Variants in TESK2 observed in about 807,000 individuals in gnomAD.
The protein encoded by TESK2 is testis associated actin remodelling kinase 2, also known as dual specificity testis-specific protein kinase 2.
TESK2 carries 39 observed loss-of-function variants against 57.1 expected under a neutral mutation model. The observed-to-expected ratio is 0.68, with a 90% CI of 0.53 to 0.89. TESK2 has a LOEUF of 0.89. Among genes scored for constraint, TESK2 ranks in the 40% least tolerant of loss-of-function variants. TESK2 has a pLI of 0.00. For missense variants in TESK2, 646 were observed against 732.1 expected (o/e 0.88, Z 1.36); for synonymous variants, 249 against 267.9 (o/e 0.93, Z 0.69).
Position 45,347,908 on chromosome 1 carries a change from G to A in TESK2, c.623+10C>T, listed in dbSNP as rs750826512. 6.2e-7 allele frequency: 1 copy of A among 1,607,554 alleles called. No homozygotes were observed. The highest frequency in any genetic ancestry group is 1.1e-5 in the South Asian group (1 of 90,938). Reference sequence around the variant, plus strand: ...TCCCTTGGACCCCAGCATCCAGTAGGGCTACACACCTGACATCGGGGATCT... The same window carrying A: ...TCCCTTGGACCCCAGCATCCAGTAGAGCTACACACCTGACATCGGGGATCT... On this transcript the variant is annotated intron_variant, in intron 6 of 10. Coordinates refer to ENST00000372086, the MANE Select transcript of TESK2 (RefSeq NM_007170.3).
rs536461392 is a variant in TESK2 at position 45,451,506 on chromosome 1, G to T, written c.222+6058C>A. ...AGGGAGGCAGCATTCCTAGCCACAT[G>T]CTGCCTGCCCAGCACAAGGTAGGGT... On this transcript the variant is annotated intron_variant, in intron 2 of 10. Transcript: ENST00000372086. 2.6e-5 allele frequency among the ~76,000 whole-genome samples: 4 copies of T among 152,282 alleles called. No homozygotes were observed. In the East Asian group the frequency reaches 7.7e-4, roughly 29 times the overall value.
In TESK2 at chr1:45,399,525, G is replaced by A. The variant is rs145611251; in HGVS notation, c.345-13565C>T. On this transcript the variant is annotated intron_variant, in intron 3 of 10. Transcript: ENST00000372086. ...AGATGGGGTTTCTCCATGTTGGTCA[G>A]GGTGGTCTCAAACTCCCGACCTCAG... Among the ~76,000 whole-genome samples, 361 of 152,278 alleles carry A rather than the reference G, an allele frequency of 2.4e-3. 5 individuals are homozygous for A. Among genetic ancestry groups the A allele is most frequent in the African/African-American group, 8.4e-3 (349 of 41,566 alleles).
intron 4 of TESK2, among the ~76,000 whole-genome samples, chr1:45,380,345 A>G (rs1335428506): frequency 1.3e-5 from 2 of 152,142 alleles, no homozygotes; most frequent in Admixed American, 6.5e-5. Flanking sequence ...CAGTTCCCCA[A>G]TCTTCTAGCC....
At chr1:45,484,409 A>G (rs1653370020) in intron 1 of TESK2, among the ~76,000 whole-genome samples, 1 of 150,822 alleles carries the variant, frequency 6.6e-6, no homozygotes, top group Non-Finnish European at 1.5e-5. Flanking sequence ...ACGCCCAGCC[A>G]TATATTCTTA....
At chr1:45,445,012 A>G (rs959657652) in intron 2 of TESK2, among the ~76,000 whole-genome samples, 2 of 152,164 alleles carry the variant, frequency 1.3e-5, no homozygotes, top group Non-Finnish European at 2.9e-5. Flanking sequence ...TACAGATAAC[A>G]TCACTATTGC....
intron 3 of TESK2, chr1:45,398,998 A>C (rs941877663): frequency 1.4e-5 from 6 of 434,216 alleles, no homozygotes; most frequent in East Asian, 1.4e-4. Context: ...AAAAAAAAAA[A>C]AAAAAAAAAC....
At chr1:45,394,602 C>A (rs1245189235) in intron 3 of TESK2, among the ~76,000 whole-genome samples, 1 of 145,922 alleles carries the variant, frequency 6.9e-6, no homozygotes, top group South Asian at 2.2e-4. Context: ...CTACAGACTA[C>A]ATGCAGTGAG....
intron 5 of TESK2, among the ~76,000 whole-genome samples, chr1:45,350,540 G>C (rs752858844): frequency 5.3e-5 from 8 of 152,216 alleles, no homozygotes; most frequent in Non-Finnish European, 1.0e-4. Flanking sequence ...CTGAAAGACT[G>C]AACAGTTAAG....
chr1:45,417,348 C>G (rs1031966888), intron 3 of TESK2, among the ~76,000 whole-genome samples: 1 of 152,282 alleles, frequency 6.6e-6, no homozygotes, highest in African/African-American at 2.4e-5. Context: ...TCTCCTGCCT[C>G]AGCCCCCTGA....
intron 3 of TESK2, among the ~76,000 whole-genome samples, chr1:45,403,618 C>A (rs778317280): frequency 9.1e-4 from 138 of 152,262 alleles, no homozygotes; most frequent in Non-Finnish European, 1.5e-3. Flanking sequence ...AATAGCACTA[C>A]ACATAATAAC....
chr1:45,442,097 T>C (rs1651470068), intron 2 of TESK2, among the ~76,000 whole-genome samples: 1 of 152,040 alleles, frequency 6.6e-6, no homozygotes, highest in Non-Finnish European at 1.5e-5. Flanking sequence ...CCACCATGCC[T>C]GGCTAATTCT....
intron 1 of TESK2, among the ~76,000 whole-genome samples, chr1:45,470,435 A>C (rs1157894339): frequency 6.6e-6 from 1 of 152,240 alleles, no homozygotes; most frequent in Non-Finnish European, 1.5e-5. Context: ...CTGTGAAATA[A>C]TGAGTTGCAG....
rs763476517 is a variant in TESK2 at position 45,441,617 on chromosome 1, C to CTTT, written c.222+15944_222+15946dup. Among the ~76,000 whole-genome samples the CTTT allele has an allele frequency of 7.2e-4, 86 of 118,664 alleles. No individual in the cohort carries two copies. The East Asian group carries it at 0.012, about 17-fold the overall frequency. 77.8% of individuals were successfully genotyped at this position (118,664 alleles called of 152,430 possible). ...ACCACTGCACCCAGCCAAAATTATTCTTTTTTTTTTTTTTTTTTTGAGACA... is the reference window on the plus strand; with the variant it reads ...ACCACTGCACCCAGCCAAAATTATTCTTTTTTTTTTTTTTTTTTTTTTGAGACA... On this transcript the variant is annotated intron_variant, in intron 2 of 10. Transcript: ENST00000372086.
chr1:45,399,966 C>T (rs1273702675), intron 3 of TESK2, among the ~76,000 whole-genome samples: 1 of 152,050 alleles, frequency 6.6e-6, no homozygotes, highest in Non-Finnish European at 1.5e-5. Flanking sequence ...AAATGCTTTC[C>T]TAATGGGATA....
intron 3 of TESK2, among the ~76,000 whole-genome samples, chr1:45,387,343 T>G (rs762765384): frequency 6.6e-6 from 1 of 152,154 alleles, no homozygotes; most frequent in Non-Finnish European, 1.5e-5. Flanking sequence ...ACAGGTTATA[T>G]TTATATATAT....
Position 45,351,458 on chromosome 1 carries a change from C to T in TESK2, c.541-3458G>A, listed in dbSNP as rs116489802. Among the ~76,000 whole-genome samples the T allele has an allele frequency of 3.3e-3, 505 of 152,300 alleles. 2 individuals carry two copies. The highest frequency in any genetic ancestry group is 0.012 in the African/African-American group (492 of 41,550). ...ATTGCAGTAGCTGCGGACATGAGTC[C>T]TATAAAGGTAATACTACTTTCAGGA... On this transcript the variant is annotated intron_variant, in intron 5 of 10. Transcript: ENST00000372086.
At chr1:45,428,997 A>G (rs2149289504) in intron 2 of TESK2, among the ~76,000 whole-genome samples, 1 of 149,388 alleles carries the variant, frequency 6.7e-6, no homozygotes, top group Non-Finnish European at 1.5e-5. Flanking sequence ...AATTTTTTGT[A>G]TTTTTAGTAG....
chr1:45,441,328 G>A (rs1447386929), intron 2 of TESK2, among the ~76,000 whole-genome samples: 1 of 151,938 alleles, frequency 6.6e-6, no homozygotes, highest in African/African-American at 2.4e-5. Flanking sequence ...CTACCATCAC[G>A]CCCAGCTAAT....
intron 3 of TESK2, among the ~76,000 whole-genome samples, chr1:45,415,548 TAAC>T (rs550072246): frequency 7.9e-5 from 12 of 151,652 alleles, no homozygotes; most frequent in African/African-American, 1.7e-4. Context: ...AAAAACTAAA[TAAC>T]AACAACAACA....
Sources: allele counts gnomAD v4.1 joint callset (sites outside exome capture counted in the v4.1 genomes callset), GRCh38; gene constraint gnomAD v4.1.1; transcripts MANE v1.5; gene names NCBI Gene and HGNC (gene_info 2026-07-23, HGNC 2026-07-21).